The following SAMD5 variants were observed in gnomAD, a reference collection of about 807,000 sequenced individuals.
The protein encoded by SAMD5 is sterile alpha motif domain containing 5.
A neutral mutation model predicts 11.3 loss-of-function variants in SAMD5; 13 were observed. The observed-to-expected ratio is 1.15, with a 90% CI of 0.75 to 1.83. The LOEUF is 1.83. Ranked by LOEUF, SAMD5 falls within the 40% of genes most tolerant of loss-of-function variation. The pLI is 0.00. For missense variants in SAMD5, 255 were observed against 239.1 expected, an observed-to-expected ratio of 1.07 and a Z score of -0.44; for synonymous variants, 129 against 111.3, an observed-to-expected ratio of 1.16 and a Z score of -1.00.
chr6:147,614,988 T>TA (rs918251440), intron 1 of SAMD5, among the ~76,000 whole-genome samples: 3 of 152,020 alleles, frequency 2.0e-5, no homozygotes, highest in East Asian at 3.8e-4. Context: ...TTTAGATTAT[T>TA]AAAAAAATCC....
At chr6:147,833,545 G>A in the SAMD5 span, among the ~76,000 whole-genome samples, 1 of 152,144 alleles carries the variant, frequency 6.6e-6, no homozygotes, top group Non-Finnish European at 1.5e-5. Flanking sequence ...AATGCTTAAT[G>A]AAAGAAAGAA....
At chr6:147,544,442 T>C (rs541274156) in intron 1 of SAMD5, among the ~76,000 whole-genome samples, 12 of 152,342 alleles carry the variant, frequency 7.9e-5, no homozygotes, top group Admixed American at 4.6e-4. Context: ...CTTAAACTTA[T>C]ATAGAAAGTT....
At chr6:147,806,316 GCGCACA>G in the SAMD5 span, among the ~76,000 whole-genome samples, 51 of 150,452 alleles carry the variant, frequency 3.4e-4, 1 homozygote, top group African/African-American at 1.1e-3. Context: ...GCGCGCGCGC[GCGCACA>G]CACACACACA....
chr6:147,517,680 A>G (rs1018902045), intron 1 of SAMD5, among the ~76,000 whole-genome samples: 1 of 152,196 alleles, frequency 6.6e-6, no homozygotes, highest in Non-Finnish European at 1.5e-5. Context: ...TTCTTAGAAC[A>G]TTTCTAGAAC....
chr6:147,513,974 G>A (rs1301079469), intron 1 of SAMD5, among the ~76,000 whole-genome samples: 1 of 152,186 alleles, frequency 6.6e-6, no homozygotes, highest in African/African-American at 2.4e-5. Flanking sequence ...AACCAAGTTT[G>A]ATGAGATGAC....
At chr6:147,720,306 A>G (rs1203429005) in intron 1 of SAMD5, among the ~76,000 whole-genome samples, 1 of 152,162 alleles carries the variant, frequency 6.6e-6, no homozygotes, top group Non-Finnish European at 1.5e-5. Flanking sequence ...CTGAAAAAAT[A>G]CAAAAAATTA....
At chr6:147,696,111 G>C (rs1325402798) in intron 1 of SAMD5, among the ~76,000 whole-genome samples, 1 of 152,022 alleles carries the variant, frequency 6.6e-6, no homozygotes, top group East Asian at 1.9e-4. Context: ...AGTCAGTGTA[G>C]GGTGTTCACT....
the SAMD5 span, among the ~76,000 whole-genome samples, chr6:147,907,961 T>C: frequency 2.6e-5 from 4 of 152,202 alleles, no homozygotes; most frequent in Non-Finnish European, 5.9e-5. Context: ...TTTTCTGCAG[T>C]AATTTCAAAG....
the SAMD5 span, among the ~76,000 whole-genome samples, chr6:147,840,351 T>C: frequency 6.6e-6 from 1 of 152,254 alleles, no homozygotes; most frequent in Admixed American, 6.5e-5. Flanking sequence ...TAGGAGCAGT[T>C]GCATATAACA....
At chr6:147,628,963 A>G (rs1032833715) in intron 1 of SAMD5, among the ~76,000 whole-genome samples, 1 of 152,120 alleles carries the variant, frequency 6.6e-6, no homozygotes, top group African/African-American at 2.4e-5. Context: ...CCTATTTTTA[A>G]AATTTCTTGG....
chr6:147,645,440 G>A (rs1384539770), intron 1 of SAMD5, among the ~76,000 whole-genome samples: 1 of 152,014 alleles, frequency 6.6e-6, no homozygotes, highest in Non-Finnish European at 1.5e-5. Flanking sequence ...CCCTTCCTCT[G>A]CTTGAGGTGG....
intron 1 of SAMD5, among the ~76,000 whole-genome samples, chr6:147,550,607 A>G (rs1198318719): frequency 1.3e-5 from 2 of 152,208 alleles, no homozygotes; most frequent in African/African-American, 4.8e-5. Context: ...TTGCAGCAAT[A>G]TAGATGGAAC....
At chr6:147,798,339 C>T in the SAMD5 span, among the ~76,000 whole-genome samples, 4 of 150,568 alleles carry the variant, frequency 2.7e-5, no homozygotes, top group African/African-American at 9.9e-5. Context: ...AGTAGTCATT[C>T]AGGAGCAGGT....
chr6:147,805,473 A>G, the SAMD5 span, among the ~76,000 whole-genome samples: 1 of 152,224 alleles, frequency 6.6e-6, no homozygotes, highest in Non-Finnish European at 1.5e-5. Context: ...ACTGATTTGA[A>G]AAGACCTAGT....
chr6:147,773,094 T>G, the SAMD5 span, among the ~76,000 whole-genome samples: 1 of 152,234 alleles, frequency 6.6e-6, no homozygotes, highest in Non-Finnish European at 1.5e-5. Flanking sequence ...TGGCCATTTC[T>G]AACATTACCC....
At chr6:147,604,541 C>T (rs571906921) in intron 1 of SAMD5, among the ~76,000 whole-genome samples, 1 of 152,296 alleles carries the variant, frequency 6.6e-6, no homozygotes, top group African/African-American at 2.4e-5. Context: ...TGAGCCCATG[C>T]CAGCAGCATT....
intron 1 of SAMD5, among the ~76,000 whole-genome samples, chr6:147,654,173 C>T (rs1018376665): frequency 6.6e-6 from 1 of 152,094 alleles, no homozygotes; most frequent in Non-Finnish European, 1.5e-5. Flanking sequence ...ATTCTGCATT[C>T]TAGTTCTAAA....
intron 1 of SAMD5, among the ~76,000 whole-genome samples, chr6:147,592,369 AG>A (rs905092743): frequency 6.6e-6 from 1 of 152,124 alleles, no homozygotes; most frequent in Non-Finnish European, 1.5e-5. Flanking sequence ...GGGTCAGTCC[AG>A]GGAAAGAGGT....
chr6:147,748,869 C>T, the SAMD5 span, among the ~76,000 whole-genome samples: 1 of 152,136 alleles, frequency 6.6e-6, no homozygotes, highest in African/African-American at 2.4e-5. Context: ...AGAACCAACC[C>T]TATATATGGG....
Sources: gnomAD v4.1 joint callset for allele counts (sites outside exome capture counted in the v4.1 genomes callset) on GRCh38, gnomAD v4.1.1 for gene constraint, MANE v1.5 for transcripts, NCBI Gene and HGNC (gene_info 2026-07-23, HGNC 2026-07-21) for gene names.